Variants in EVC observed in about 807,000 individuals in gnomAD.
EVC encodes the protein EvC ciliary complex subunit 1.
Under a neutral mutation model 118.9 loss-of-function variants are expected in EVC, and 116 were observed. That is an observed-to-expected ratio of 0.98 (90% CI 0.84 to 1.14). EVC has a LOEUF of 1.14. EVC is among the 50% of genes most tolerant of loss of function. The probability of loss-of-function intolerance (pLI) is 0.00; values close to 1 mark genes in which losing one functional copy is unlikely to be tolerated. For synonymous variants in EVC, 619 were observed against 534.7 expected (o/e 1.16, Z -2.18); for missense variants, 1,401 against 1,246.4 (o/e 1.12, Z -1.87).
At position 5,754,258 on chromosome 4, in the gene EVC, G is replaced by T. The variant is rs1730842022; in HGVS notation, c.1464+325G>T. Among the ~76,000 whole-genome samples the T allele has an allele frequency of 6.6e-6, 1 of 152,174 alleles. No homozygotes were observed. The highest frequency in any genetic ancestry group is 1.9e-4 in the East Asian group (1 of 5,182). On this transcript the variant is annotated intron_variant, in intron 10 of 20. Coordinates refer to ENST00000264956, the MANE Select transcript of EVC (RefSeq NM_153717.3). This position sits in a 1 kb window ranked among gnomAD's most constrained non-coding sequence, Gnocchi z 5.8. ...AATGGCGTGAAGGGAGCAATGTGTG[G>T]CCCAGAGGGGACAAGCATGTCCCGG...
chr4:5,782,135 T>A (rs1373524021), intron 11 of EVC, among the ~76,000 whole-genome samples: 4 of 152,150 alleles, frequency 2.6e-5, no homozygotes, highest in Non-Finnish European at 5.9e-5. Flanking sequence ...TGGAGTGCAG[T>A]GACACAATCT....
At chr4:5,762,009 G>A (rs1192199425) in intron 11 of EVC, among the ~76,000 whole-genome samples, 10 of 149,932 alleles carry the variant, frequency 6.7e-5, no homozygotes, top group African/African-American at 2.5e-4. Context: ...CCACTAACTC[G>A]TCATCTAGCA....
downstream of EVC, among the ~76,000 whole-genome samples, chr4:5,816,019 C>T (rs1262833293): frequency 2.0e-5 from 3 of 152,100 alleles, no homozygotes; most frequent in South Asian, 2.1e-4. Flanking sequence ...ACTATTTTCC[C>T]CCCATGGCTT....
chr4:5,767,212 G>T (rs889990867), intron 11 of EVC, among the ~76,000 whole-genome samples: 3 of 152,056 alleles, frequency 2.0e-5, no homozygotes, highest in Non-Finnish European at 4.4e-5. Context: ...TAGGCTCCTC[G>T]GGGGCCAGGG....
Position 5,814,155 on chromosome 4 carries a change from C to G in EVC, c.*3118C>G, listed in dbSNP as rs906071299. On this transcript the variant is annotated 3_prime_UTR_variant, in exon 21 of 21. Transcript: ENST00000264956. ...GGATCAGCAGTGCAGCCCCAGGATG[C>G]CTCGCAGGTACCCTGCCTCCATTTT... The G allele has an allele frequency of 5.3e-5, 8 of 152,318 alleles. No homozygotes were observed. The highest frequency in any genetic ancestry group is 1.9e-4 in the African/African-American group (8 of 41,458). The allele number at this position is 152,318 out of a possible 1,614,324, so 9.4% of individuals were successfully genotyped here.
At chr4:5,765,215 G>A (rs1187095294) in intron 11 of EVC, among the ~76,000 whole-genome samples, 1 of 117,768 alleles carries the variant, frequency 8.5e-6, no homozygotes, top group Non-Finnish European at 1.8e-5. Flanking sequence ...GAGCGGTTTT[G>A]AGTGAGACTC....
chr4:5,757,439 TC>T (rs1407748277), intron 11 of EVC, among the ~76,000 whole-genome samples: 3 of 152,352 alleles, frequency 2.0e-5, no homozygotes, highest in African/African-American at 7.2e-5. Flanking sequence ...CAGTCATGTC[TC>T]TGTTAACCTG....
chr4:5,772,843 G>C (rs1268048652), intron 11 of EVC, among the ~76,000 whole-genome samples: 1 of 152,134 alleles, frequency 6.6e-6, no homozygotes, highest in Non-Finnish European at 1.5e-5. Context: ...GCCTGAAACT[G>C]TCTTCCTCCC....
intron 11 of EVC, among the ~76,000 whole-genome samples, chr4:5,767,200 G>C (rs369244112): frequency 6.6e-6 from 1 of 152,080 alleles, no homozygotes; most frequent in Non-Finnish European, 1.5e-5. Context: ...ATGCCTCCCA[G>C]TTAGGCTCCT....
the EVC span, chr4:5,826,045 G>A: frequency 3.5e-6 from 1 of 288,034 alleles, no homozygotes; most frequent in South Asian, 3.6e-5. Context: ...TCTTCACAAA[G>A]GCATACTCAC....
intron 8 of EVC, among the ~76,000 whole-genome samples, chr4:5,752,496 A>G (rs950669642): frequency 2.6e-5 from 4 of 151,788 alleles, no homozygotes; most frequent in Admixed American, 2.6e-4. Context: ...TGGCCGGGGG[A>G]GATGACTATA....
chr4:5,824,931 G>T, the EVC span: 1 of 985,386 alleles, frequency 1.0e-6, no homozygotes, highest in Non-Finnish European at 1.2e-6. Context: ...ATCTAATTTT[G>T]TTCCCACACA....
intron 6 of EVC, 26 bp downstream of exon 6, chr4:5,741,840 G>T: frequency 6.2e-6 from 8 of 1,288,774 alleles, no homozygotes; most frequent in Non-Finnish European, 9.0e-6. Context: ...ATGTTTCAAG[G>T]TAACTTAAAA....
chr4:5,827,182 G>A, the EVC span, among the ~76,000 whole-genome samples: 21 of 152,202 alleles, frequency 1.4e-4, no homozygotes, highest in Non-Finnish European at 2.6e-4. Context: ...CTGCCCTCAC[G>A]GAAGCTGACT....
At chr4:5,791,785 AC>A (rs1336742706) in intron 12 of EVC, among the ~76,000 whole-genome samples, 1 of 151,948 alleles carries the variant, frequency 6.6e-6, no homozygotes, top group Non-Finnish European at 1.5e-5. Flanking sequence ...CCACCCTGCC[AC>A]CATACCTGAA....
Position 5,719,974 on chromosome 4 carries a change from C to T in EVC, c.300+601C>T, listed in dbSNP as rs1233815209. Among the ~76,000 whole-genome samples, 2 of 152,132 alleles carry T rather than the reference C, an allele frequency of 1.3e-5. No individual in the cohort carries two copies. The highest frequency in any genetic ancestry group is 2.9e-5 in the Non-Finnish European group (2 of 68,024). ...TGCATAAGTCTGTTTATTTTCATTT[C>T]ATTTTACTTCCTTTAATTAAATCTC... On this transcript the variant is annotated intron_variant, in intron 2 of 20. Coordinates refer to ENST00000264956, the MANE Select transcript of EVC (RefSeq NM_153717.3). The surrounding 1 kb of genome is among the most constrained non-coding windows in gnomAD (Gnocchi z 4.7).
At position 5,745,268 on chromosome 4, in the gene EVC, G is replaced by T; in HGVS notation, c.866G>T (p.Gly289Val). ...KLSNTEMSGA[G>V]DSEYITLADV... ...TCAAACACAGAAATGTCGGGGGCTG[G>T]TGACTCTGAGTACATCACCCTGGCT... Residue 289 changes from glycine (G) to valine (V), a missense_variant, in exon 7 of 21, where the codon GGT (glycine) becomes GTT (valine). Transcript: ENST00000264956. 6.2e-7 allele frequency: 1 copy of T among 1,614,046 alleles called. No homozygotes were observed. Among genetic ancestry groups the T allele is most frequent in the East Asian group, 2.2e-5 (1 of 44,878 alleles).
chr4:5,827,620 GCACA>G, the EVC span, among the ~76,000 whole-genome samples: 1,057 of 151,496 alleles, frequency 7.0e-3, 20 homozygotes, highest in African/African-American at 0.024. Context: ...ACACACACGC[GCACA>G]CACACACACT....
rs1461314242 is a variant in EVC at position 5,731,351 on chromosome 4, G to C, written c.385-74G>C. On this transcript the variant is annotated intron_variant, in intron 3 of 20. Transcript: ENST00000264956. The surrounding 1 kb of genome is among the most constrained non-coding windows in gnomAD (Gnocchi z 5.6). Reference sequence around the variant, plus strand: ...CTGTGAGCGGCTAGCGTGAATCACTGGTAGAATTATGAATACTAGATCAAA... The same window carrying C: ...CTGTGAGCGGCTAGCGTGAATCACTCGTAGAATTATGAATACTAGATCAAA... 1 of 1,261,068 alleles carries C rather than the reference G, an allele frequency of 7.9e-7. No individual in the cohort carries two copies. The highest frequency in any genetic ancestry group is 1.8e-4 in the Middle Eastern group (1 of 5,418). 78.1% of individuals were successfully genotyped at this position (1,261,068 alleles called of 1,614,324 possible).
Sources: allele counts gnomAD v4.1 joint callset (sites outside exome capture counted in the v4.1 genomes callset), GRCh38; gene constraint gnomAD v4.1.1; non-coding constraint Gnocchi (gnomAD v3.1); transcripts MANE v1.5; gene names NCBI Gene and HGNC (gene_info 2026-07-23, HGNC 2026-07-21).